GPATCH1: variants seen among roughly 807,000 people sequenced by gnomAD.
GPATCH1 encodes the protein G-patch domain containing 1.
Under a neutral mutation model 114.9 loss-of-function variants are expected in GPATCH1, and 73 were observed. That is an observed-to-expected ratio of 0.64 (90% CI 0.53 to 0.77). GPATCH1 has a LOEUF of 0.77. Ranked by LOEUF, GPATCH1 falls within the 30% of genes least tolerant of loss-of-function variation. GPATCH1 has a pLI of 0.00. For missense variants in GPATCH1, 1,058 were observed against 1,144.3 expected (o/e 0.92, Z 1.09); for synonymous variants, 391 against 428.4 (o/e 0.91, Z 1.08).
intron 12 of GPATCH1, among the ~76,000 whole-genome samples, 153 bp downstream of exon 12, chr19:33,112,055 T>G (rs1460391516): frequency 6.6e-6 from 1 of 151,292 alleles, no homozygotes; most frequent in African/African-American, 2.4e-5. Context: ...AGCCTCCGCT[T>G]CCTGGGTTCA....
chr19:33,129,463 A>C (rs1973079268), intron 19 of GPATCH1, among the ~76,000 whole-genome samples: 1 of 151,804 alleles, frequency 6.6e-6, no homozygotes, highest in African/African-American at 2.4e-5. Flanking sequence ...CCCTGGAGTG[A>C]ATGTATTTTA....
At position 33,106,819 on chromosome 19, in the gene GPATCH1, C is replaced by T. The variant is rs34947416; in HGVS notation, c.1205C>T (p.Thr402Met). The T allele has an allele frequency of 8.7e-6, 14 of 1,613,812 alleles. No homozygotes were observed. The highest frequency in any genetic ancestry group is 3.3e-5 in the South Asian group (3 of 91,062). Residue 402 changes from threonine (T) to methionine (M), a missense_variant, in exon 10 of 20, where the codon ACG becomes ATG. By Grantham distance (81) the Thr-to-Met change is moderately conservative. Coordinates refer to ENST00000170564, the MANE Select transcript of GPATCH1 (RefSeq NM_018025.3). Reference protein sequence around the residue: ...QVLSESAGKATPDPGTHSKHQ... With the variant: ...QVLSESAGKAMPDPGTHSKHQ... ...TTATCAGAGTCAGCTGGAAAGGCAA[C>T]GCCTGACCCAGGGACACACAGTAAG...
chr19:33,110,101 T>A (rs1224978539), intron 11 of GPATCH1, 85 bp downstream of exon 11: 5 of 1,167,510 alleles, frequency 4.3e-6, no homozygotes, highest in Non-Finnish European at 6.1e-6. Flanking sequence ...ATATTTACAG[T>A]TGAGGTATCC....
chr19:33,114,007 G>A, intron 14 of GPATCH1, 104 bp downstream of exon 14: 1 of 1,017,166 alleles, frequency 9.8e-7, no homozygotes, highest in Non-Finnish European at 1.5e-6. Context: ...TGTGAATGGT[G>A]CATATTCTCC....
chr19:33,097,818 A>G lies in GPATCH1; in HGVS notation c.916A>G (p.Lys306Glu). 1 of 1,613,682 alleles carries G rather than the reference A, an allele frequency of 6.2e-7. No individual in the cohort carries two copies. ...DDIYATETLSKYDTVLKDEEP... is the reference protein window; with the variant it reads ...DDIYATETLSEYDTVLKDEEP... The stretch of plus-strand genomic sequence containing the variant: ...TATCTATGCCACAGAAACTCTATCC[A>G]AGTATGACACTGTTCTGAAGGACGA... The change falls in exon 8 of 20, where the codon AAG (lysine) becomes GAG (glutamate). Residue 306 changes from lysine (K) to glutamate (E), a missense_variant. By Grantham distance (56) the Lys-to-Glu change is moderately conservative. Around this residue, in one of 3 missense-constraint regions of GPATCH1, gnomAD observed 893 missense variants for 977.4 expected, o/e 0.91. Coordinates refer to ENST00000170564, the MANE Select transcript of GPATCH1 (RefSeq NM_018025.3).
At chr19:33,085,132 C>G (rs1249507945) in intron 1 of GPATCH1, among the ~76,000 whole-genome samples, 2 of 152,260 alleles carry the variant, frequency 1.3e-5, no homozygotes, top group East Asian at 1.9e-4. Context: ...CTCGGAGTGT[C>G]CTGAGAACGG....
At chr19:33,098,712 A>T (rs7246566) in intron 8 of GPATCH1, among the ~76,000 whole-genome samples, 86,158 of 152,012 alleles carry the variant, frequency 0.57, 29,245 homozygotes, top group East Asian at 0.99. Context: ...GTGTCTGGCA[A>T]AGCACCTGTC....
intron 17 of GPATCH1, among the ~76,000 whole-genome samples, chr19:33,124,103 C>T (rs970337719): frequency 5.9e-5 from 9 of 152,106 alleles, no homozygotes; most frequent in Non-Finnish European, 1.2e-4. Context: ...ATCCGCCCAC[C>T]TCAGCCTCCC....
At chr19:33,107,324 T>A (rs1158223725) in intron 10 of GPATCH1, among the ~76,000 whole-genome samples, 1 of 152,196 alleles carries the variant, frequency 6.6e-6, no homozygotes, top group African/African-American at 2.4e-5. Flanking sequence ...CCCAAAGTGC[T>A]GGGATTACAG....
intron 5 of GPATCH1, 132 bp downstream of exon 5, chr19:33,094,401 C>A: frequency 1.7e-6 from 1 of 599,474 alleles, no homozygotes; most frequent in East Asian, 2.8e-5. Context: ...GCCTTGACCT[C>A]CCGGGCTCAA....
intron 3 of GPATCH1, among the ~76,000 whole-genome samples, chr19:33,091,499 AG>A (rs1229822460): frequency 6.6e-6 from 1 of 151,616 alleles, no homozygotes; most frequent in East Asian, 1.9e-4. Context: ...AGCTTTCCAC[AG>A]TAACTCTCAG....
chr19:33,097,487 C>A (rs1013568041), intron 7 of GPATCH1, among the ~76,000 whole-genome samples: 4 of 152,186 alleles, frequency 2.6e-5, no homozygotes, highest in African/African-American at 9.7e-5. Context: ...GTTCTCCACT[C>A]CTCTTCCTGT....
chr19:33,099,645 C>G (rs1056054509), intron 8 of GPATCH1, among the ~76,000 whole-genome samples: 3 of 151,834 alleles, frequency 2.0e-5, no homozygotes, highest in Non-Finnish European at 2.9e-5. Context: ...GTCACCCAGG[C>G]TGGAGAGCAG....
rs763702515 is a variant in GPATCH1, at chr19:33,106,941, G to A, written c.1285+42G>A. On this transcript the variant is annotated intron_variant, in intron 10 of 19. Coordinates refer to ENST00000170564, the MANE Select transcript of GPATCH1 (RefSeq NM_018025.3). ...AGACGGAAATCATTTCACATAATTCGAGTTATCAAAATCAAAATGGAAAGT... is the reference window on the plus strand; with the variant it reads ...AGACGGAAATCATTTCACATAATTCAAGTTATCAAAATCAAAATGGAAAGT... 5 of 1,485,648 alleles carry A rather than the reference G, an allele frequency of 3.4e-6. 1 individual carries two copies. The South Asian group carries it at 3.5e-5, about 10-fold the overall frequency. 92.0% of individuals were successfully genotyped at this position (1,485,648 alleles called of 1,614,324 possible). A position where few individuals can be genotyped will look rare whatever the true frequency, so the allele number is the denominator to read the frequency against.
At chr19:33,114,450 C>T (rs761959355) in intron 15 of GPATCH1, 31 bp downstream of exon 15, 48 of 1,536,092 alleles carry the variant, frequency 3.1e-5, no homozygotes, top group Middle Eastern at 1.7e-4. Context: ...CTCTTTGCCA[C>T]GCTGAGTGTG....
intron 8 of GPATCH1, among the ~76,000 whole-genome samples, chr19:33,099,764 A>G (rs1287155880): frequency 1.4e-5 from 2 of 140,370 alleles, no homozygotes; most frequent in African/African-American, 5.3e-5. Context: ...ACGCCCAGCT[A>G]ATTTTTTTTT....
At chr19:33,112,204 G>A (rs1972863241) in intron 12 of GPATCH1, among the ~76,000 whole-genome samples, 1 of 152,092 alleles carries the variant, frequency 6.6e-6, no homozygotes, top group Non-Finnish European at 1.5e-5. Context: ...GACCTCAGGT[G>A]ATCCACCCGC....
intron 19 of GPATCH1, among the ~76,000 whole-genome samples, chr19:33,127,652 C>CT (rs1461264447): frequency 6.6e-6 from 1 of 152,008 alleles, no homozygotes; most frequent in African/African-American, 2.4e-5. Flanking sequence ...CCTTTAAGAC[C>CT]TTTTTTGTGC....
intron 5 of GPATCH1, among the ~76,000 whole-genome samples, chr19:33,095,257 G>GTTTTTTTTT (rs940614947): frequency 1.8e-5 from 2 of 109,270 alleles, no homozygotes; most frequent in African/African-American, 3.6e-5. Context: ...TATCAGTGAG[G>GTTTTTTTTT]TTTTTTTTTT....
Sources: allele counts gnomAD v4.1 joint callset (sites outside exome capture counted in the v4.1 genomes callset), GRCh38; gene constraint gnomAD v4.1.1; regional missense constraint gnomAD v4.1.1; transcripts MANE v1.5; gene names NCBI Gene and HGNC (gene_info 2026-07-23, HGNC 2026-07-21).